Variants in LONP2 observed in about 807,000 individuals in gnomAD.
The protein encoded by LONP2 is lon protease homolog 2, peroxisomal.
LONP2 carries 60 observed loss-of-function variants against 85.6 expected under a neutral mutation model. The observed-to-expected ratio is 0.70, with a 90% CI of 0.57 to 0.87. The LOEUF is 0.87. Among genes scored for constraint, LONP2 ranks in the 40% least tolerant of loss-of-function variants. The probability of loss-of-function intolerance (pLI) is 0.00; values close to 1 mark genes in which losing one functional copy is unlikely to be tolerated. For missense variants in LONP2, 860 were observed against 1,063.5 expected, an observed-to-expected ratio of 0.81 and a Z score of 2.66; for synonymous variants, 395 against 389.7, an observed-to-expected ratio of 1.01 and a Z score of -0.16.
chr16:48,348,889 C>T (rs554025729), intron 14 of LONP2, among the ~76,000 whole-genome samples: 1 of 152,280 alleles, frequency 6.6e-6, no homozygotes, highest in South Asian at 2.1e-4. Flanking sequence ...CCTTGTTCTA[C>T]TTGACAAATT....
intron 8 of LONP2, 62 bp from the exon 9 acceptor site, chr16:48,295,953 C>T (rs1195234042): frequency 2.0e-6 from 3 of 1,528,148 alleles, no homozygotes; most frequent in African/African-American, 2.8e-5. Context: ...TGTGTTTTCA[C>T]TTATATACAG....
chr16:48,334,752 C>T, intron 12 of LONP2: 1 of 550,242 alleles, frequency 1.8e-6, no homozygotes, highest in Admixed American at 2.0e-5. Context: ...GGTAAGATGC[C>T]CTACCTGTCT....
chr16:48,302,030 A>G lies in LONP2; in HGVS notation c.1662-1142A>G, dbSNP rs764400256. 7.9e-5 allele frequency among the ~76,000 whole-genome samples: 12 copies of G among 152,340 alleles called. No homozygotes were observed. In the Middle Eastern group the frequency reaches 0.01, roughly 130 times the overall value. ...GTTTCAGATAGAGTCTAAACAGTTCATGGTATAGGAAGCCCATGCTTTTCT... is the reference window on the plus strand; with the variant it reads ...GTTTCAGATAGAGTCTAAACAGTTCGTGGTATAGGAAGCCCATGCTTTTCT... On this transcript the variant is annotated intron_variant, in intron 10 of 14. Transcript: ENST00000285737.
intron 3 of LONP2, among the ~76,000 whole-genome samples, chr16:48,257,503 A>G (rs1366279406): frequency 2.6e-5 from 4 of 152,146 alleles, no homozygotes; most frequent in Non-Finnish European, 5.9e-5. Context: ...TTAAAGTGAA[A>G]TGAATTTTAA....
At chr16:48,260,305 A>G (rs1437479248) in intron 4 of LONP2, among the ~76,000 whole-genome samples, 1 of 152,238 alleles carries the variant, frequency 6.6e-6, no homozygotes, top group African/African-American at 2.4e-5. Context: ...AGGTTAAAAA[A>G]TAAGTTCTGG....
chr16:48,301,244 T>G (rs1472066957), intron 10 of LONP2, among the ~76,000 whole-genome samples: 2 of 152,240 alleles, frequency 1.3e-5, no homozygotes, highest in African/African-American at 2.4e-5. Flanking sequence ...CAAGTATAAC[T>G]CACCTGCTTG....
At position 48,362,354 on chromosome 16, in the gene LONP2, C is replaced by G. The variant is rs1168850950; in HGVS notation, c.*491C>G. 2 of 1,614,152 alleles carry G rather than the reference C, an allele frequency of 1.2e-6. No individual in the cohort carries two copies. The highest frequency in any genetic ancestry group is 2.2e-5 in the South Asian group (2 of 91,074). On this transcript the variant is annotated 3_prime_UTR_variant, in exon 5 of 5. Transcript: ENST00000565867. The surrounding 1 kb of genome is among the most constrained non-coding windows in gnomAD (Gnocchi z 4.2). ...CATTGTTGGATGCAGTTGTGCCAGT[C>G]AGGGCAGGCACCCTCTGGGATGGTG...
At chr16:48,321,433 A>G (rs933169055) in intron 11 of LONP2, among the ~76,000 whole-genome samples, 6 of 152,140 alleles carry the variant, frequency 3.9e-5, no homozygotes. Flanking sequence ...ATGGATTCCT[A>G]TGTTTTGGGC....
rs116607209 is a variant in LONP2, at chr16:48,294,768, C to T, written c.1384-1247C>T. Among the ~76,000 whole-genome samples the T allele has an allele frequency of 6.7e-3, 1,024 of 151,940 alleles. 13 individuals are homozygous for T. The highest frequency in any genetic ancestry group is 0.024 in the African/African-American group (974 of 41,266). On this transcript the variant is annotated intron_variant, in intron 8 of 14. Coordinates refer to ENST00000285737, the MANE Select transcript of LONP2 (RefSeq NM_031490.5). Reference sequence around the variant, plus strand: ...AAAACAAAACAAAACAAAAAACTAACTTTGGATAGTTTTGAAAATAAGTAA... The same window carrying T: ...AAAACAAAACAAAACAAAAAACTAATTTTGGATAGTTTTGAAAATAAGTAA...
downstream of LONP2, among the ~76,000 whole-genome samples, chr16:48,358,371 T>G (rs1271004789): frequency 6.6e-6 from 1 of 152,212 alleles, no homozygotes; most frequent in African/African-American, 2.4e-5. Context: ...CATGGTTTAC[T>G]TATATCCAGC....
chr16:48,286,635 G>C (rs1347524572), intron 8 of LONP2, among the ~76,000 whole-genome samples: 1 of 151,958 alleles, frequency 6.6e-6, no homozygotes, highest in Non-Finnish European at 1.5e-5. Flanking sequence ...CTCCCGAGTA[G>C]CTGGGACTAC....
intron 11 of LONP2, among the ~76,000 whole-genome samples, chr16:48,332,834 G>A (rs1040922982): frequency 2.6e-5 from 4 of 152,218 alleles, no homozygotes; most frequent in Admixed American, 6.5e-5. Flanking sequence ...CTTGAACCCA[G>A]GAGGCAGAGG....
intron 1 of LONP2, among the ~76,000 whole-genome samples, chr16:48,248,191 AGCTC>A (rs1971510190): frequency 6.6e-6 from 1 of 151,830 alleles, no homozygotes; most frequent in African/African-American, 2.4e-5. Flanking sequence ...GTGCCATCTC[AGCTC>A]ACTGCAACCT....
intron 3 of LONP2, among the ~76,000 whole-genome samples, chr16:48,257,594 T>C (rs575937120): frequency 2.0e-5 from 3 of 152,368 alleles, no homozygotes; most frequent in African/African-American, 7.2e-5. Flanking sequence ...TAAGTTTTCT[T>C]GCACACTTAT....
downstream of LONP2, among the ~76,000 whole-genome samples, chr16:48,359,686 A>AG (rs1960502626): frequency 6.6e-6 from 1 of 152,136 alleles, no homozygotes; most frequent in African/African-American, 2.4e-5. Flanking sequence ...ACTGCACTCC[A>AG]GCCTGGGTGA....
intron 8 of LONP2, among the ~76,000 whole-genome samples, chr16:48,289,183 C>A (rs1451126784): frequency 2.6e-5 from 4 of 152,060 alleles, no homozygotes; most frequent in African/African-American, 9.7e-5. Context: ...AGACAGGTCT[C>A]AGTTAATTTA....
intron 11 of LONP2, among the ~76,000 whole-genome samples, chr16:48,309,938 CTCTTT>C (rs1321655726): frequency 6.6e-6 from 1 of 151,716 alleles, no homozygotes; most frequent in Non-Finnish European, 1.5e-5. Context: ...TGCTATCTGT[CTCTTT>C]TCTTAGGCCT....
intron 11 of LONP2, among the ~76,000 whole-genome samples, chr16:48,315,970 T>TG (rs1241274979): frequency 2.0e-5 from 3 of 151,020 alleles, no homozygotes; most frequent in Non-Finnish European, 4.4e-5. Flanking sequence ...GTAATTTTTT[T>TG]TTTTTTTTTT....
Position 48,318,070 on chromosome 16 carries a change from GAGA to G in LONP2, c.1795+14770_1795+14772del, listed in dbSNP as rs1567339063. Among the ~76,000 whole-genome samples, 6 of 151,798 alleles carry G rather than the reference GAGA, an allele frequency of 4.0e-5. No homozygotes were observed. The South Asian group carries it at 1.2e-3, about 32-fold the overall frequency. On this transcript the variant is annotated intron_variant, in intron 11 of 14. Transcript: ENST00000285737. ...CCCGGGATGTGGTTTTTCAGATTTG[GAGA>G]AGAATAGTTAAAAAAAAAAAATGCA...
Sources: gnomAD v4.1 joint callset for allele counts (sites outside exome capture counted in the v4.1 genomes callset) on GRCh38, gnomAD v4.1.1 for gene constraint, Gnocchi (gnomAD v3.1) non-coding constraint, MANE v1.5 for transcripts, NCBI Gene and HGNC (gene_info 2026-07-23, HGNC 2026-07-21) for gene names.